Variants in DNAH11 observed in about 807,000 individuals in gnomAD.
The protein encoded by DNAH11 is dynein axonemal heavy chain 11.
A neutral mutation model predicts 526.0 loss-of-function variants in DNAH11; 442 were observed. The observed-to-expected ratio is 0.84, with a 90% CI of 0.78 to 0.91. The LOEUF (loss-of-function observed/expected upper bound fraction) is 0.91. Ranked by LOEUF, DNAH11 falls within the 40% of genes least tolerant of loss-of-function variation. DNAH11 has a pLI of 0.00. For missense variants in DNAH11, 6,989 were observed against 5,448.7 expected (o/e 1.28, Z -8.90); for synonymous variants, 2,461 against 1,935.9 (o/e 1.27, Z -7.12).
chr7:21,725,675 C>T (rs747079692), intron 44 of DNAH11, 136 bp from the exon 45 acceptor site: 11 of 786,688 alleles, frequency 1.4e-5, no homozygotes, highest in South Asian at 3.5e-5. Flanking sequence ...TTAATTATTT[C>T]ACAAAATTTG....
chr7:21,649,656 C>CTTT (rs576947483), intron 28 of DNAH11, among the ~76,000 whole-genome samples: 1 of 140,258 alleles, frequency 7.1e-6, no homozygotes, highest in Non-Finnish European at 1.6e-5. Flanking sequence ...GTATCCTACT[C>CTTT]TTTTTTTTTT....
Position 21,639,047 on chromosome 7 carries a change from A to C in DNAH11, c.4926A>C (p.Lys1642Asn), listed in dbSNP as rs770520414. Reference sequence around the variant, plus strand: ...CTGATTTACTTGACATTCTCTCAAAAGGAGCTCAGCCTAAACAGGTAATAT... The same window carrying C: ...CTGATTTACTTGACATTCTCTCAAACGGAGCTCAGCCTAAACAGGTAATAT... ...SSADLLDILS[K>N]GAQPKQVTCH... The change falls in exon 28 of 82, where the codon AAA (lysine) becomes AAC (asparagine). Residue 1642 changes from lysine to asparagine, a missense_variant. Coordinates refer to ENST00000409508, the MANE Select transcript of DNAH11 (RefSeq NM_001277115.2). 10 of 1,613,310 alleles carry C rather than the reference A, an allele frequency of 6.2e-6. No homozygotes were observed. In the Admixed American group the frequency reaches 1.0e-4, roughly 16 times the overall value.
intron 56 of DNAH11, among the ~76,000 whole-genome samples, chr7:21,776,665 A>T (rs1787683044): frequency 6.6e-6 from 1 of 152,232 alleles, no homozygotes; most frequent in South Asian, 2.1e-4. Flanking sequence ...CACTTTGAAT[A>T]TTTCAGAGCT....
At chr7:21,644,523 A>G (rs1459496505) in intron 28 of DNAH11, among the ~76,000 whole-genome samples, 4 of 152,210 alleles carry the variant, frequency 2.6e-5, no homozygotes, top group Non-Finnish European at 5.9e-5. Context: ...TCCTAAAGGA[A>G]GTAGAAAGCT....
chr7:21,765,301 C>G lies in DNAH11; in HGVS notation c.8941-127C>G, dbSNP rs1322794382. The G allele has an allele frequency of 2.2e-6, 3 of 1,383,192 alleles. No individual in the cohort carries two copies. The South Asian group carries it at 3.8e-5, about 18-fold the overall frequency. The allele number at this position is 1,383,192 out of a possible 1,614,324, so 85.7% of individuals were successfully genotyped here. A position where few individuals can be genotyped will look rare whatever the true frequency, so the allele number is the denominator to read the frequency against. On this transcript the variant is annotated intron_variant, in intron 54 of 81. Coordinates refer to ENST00000409508, the MANE Select transcript of DNAH11 (RefSeq NM_001277115.2). ...GGAGGTTAATGTTGCTGTCCACTCT[C>G]TAGGGCTTTAGGGTAGTTTAATGTC...
rs937883078 is a variant in DNAH11 at position 21,901,269 on chromosome 7, T to TCCTCTAG, written c.*21_*27dup. ...TAGAAGCGTAAGGTAACACTGGCAT[T>TCCTCTAG]CCTCTAGCCTCTGCTGGAGTGCAGT... is the stretch of plus-strand genomic sequence containing the variant. On this transcript the variant is annotated 3_prime_UTR_variant, in exon 82 of 82. Transcript: ENST00000409508. 6.3e-7 allele frequency: 1 copy of TCCTCTAG among 1,597,798 alleles called. No individual in the cohort carries two copies. Among genetic ancestry groups the TCCTCTAG allele is most frequent in the African/African-American group, 1.3e-5 (1 of 74,518 alleles).
intron 30 of DNAH11, among the ~76,000 whole-genome samples, chr7:21,673,931 C>G (rs1172550928): frequency 6.6e-6 from 1 of 150,874 alleles, no homozygotes; most frequent in Non-Finnish European, 1.5e-5. Flanking sequence ...TTCTAGTTTT[C>G]TACCTAGAAA....
At position 21,619,086 on chromosome 7, in the gene DNAH11, T is replaced by A; in HGVS notation, c.4255-14T>A. 1 of 1,613,298 alleles carries A rather than the reference T, an allele frequency of 6.2e-7. No individual in the cohort carries two copies. Among genetic ancestry groups the A allele is most frequent in the Non-Finnish European group, 8.5e-7 (1 of 1,179,466 alleles). ...ATGTGGAATATAAAGTCTAACTTTT[T>A]TTCCCCCAATCAGGTCAAGTTTTTA... On this transcript the variant is annotated splice_polypyrimidine_tract_variant and intron_variant, in intron 23 of 81. Coordinates refer to ENST00000409508, the MANE Select transcript of DNAH11 (RefSeq NM_001277115.2).
intron 12 of DNAH11, among the ~76,000 whole-genome samples, chr7:21,590,135 A>T (rs918055610): frequency 2.0e-5 from 3 of 152,178 alleles, no homozygotes; most frequent in Non-Finnish European, 4.4e-5. Context: ...ATGTTATGTA[A>T]CAATGGGATT....
chr7:21,758,685 A>C (rs2128495593), intron 54 of DNAH11, among the ~76,000 whole-genome samples: 1 of 152,384 alleles, frequency 6.6e-6, no homozygotes, highest in African/African-American at 2.4e-5. Context: ...GAGTGAGTAG[A>C]AGTCTTTCCA....
At chr7:21,571,332 G>A (rs1783880523) in intron 7 of DNAH11, among the ~76,000 whole-genome samples, 1 of 152,162 alleles carries the variant, frequency 6.6e-6, no homozygotes, top group Admixed American at 6.5e-5. Flanking sequence ...CCCGGCTGAA[G>A]TGCAGTGGTG....
chr7:21,721,645 A>T (rs1046446487), intron 44 of DNAH11, among the ~76,000 whole-genome samples: 4 of 152,168 alleles, frequency 2.6e-5, no homozygotes, highest in Non-Finnish European at 5.9e-5. Flanking sequence ...TAATGAGGAC[A>T]CTAATCCCAT....
In DNAH11 at chr7:21,619,358, AG is replaced by A; in HGVS notation, c.4377+138del. On this transcript the variant is annotated intron_variant, in intron 24 of 81. Transcript: ENST00000409508. ...CCCAGTTTGTTCCCTGCTGTTCATT[AG>A]GTGTGGGATGAGCAGGAACTAGAAT... 5.1e-6 allele frequency: 5 copies of A among 971,270 alleles called. No individual in the cohort carries two copies. In the East Asian group the frequency reaches 1.3e-4, roughly 26 times the overall value. 60.2% of individuals were successfully genotyped at this position (971,270 alleles called of 1,614,324 possible).
chr7:21,899,143 A>G (rs372357408), intron 79 of DNAH11, among the ~76,000 whole-genome samples, 193 bp from the exon 80 acceptor site: 1 of 152,220 alleles, frequency 6.6e-6, no homozygotes, highest in South Asian at 2.1e-4. Flanking sequence ...ACAGTCATCA[A>G]GTCTCCAATG....
intron 61 of DNAH11, among the ~76,000 whole-genome samples, chr7:21,794,371 C>G (rs1201490335): frequency 1.3e-5 from 2 of 152,130 alleles, no homozygotes; most frequent in Non-Finnish European, 2.9e-5. Context: ...TGCTGACTGG[C>G]TTGTTTTGGT....
In DNAH11 at chr7:21,738,683, A is replaced by G. The variant is rs748542907; in HGVS notation, c.7646-18A>G. ...TACATTCTGTTGATGGGTGGACAGA[A>G]ATATATGTTTATTTCAGAAATTCTT... On this transcript the variant is annotated intron_variant, in intron 46 of 81. Coordinates refer to ENST00000409508, the MANE Select transcript of DNAH11 (RefSeq NM_001277115.2). 2 of 1,551,556 alleles carry G rather than the reference A, an allele frequency of 1.3e-6. No individual in the cohort carries two copies. Among genetic ancestry groups the G allele is most frequent in the Non-Finnish European group, 1.7e-6 (2 of 1,149,128 alleles).
In DNAH11 at chr7:21,900,108, C is replaced by G. The variant is rs1784707935; in HGVS notation, c.13291C>G (p.Leu4431Val). ...AAGGGAAGGTGCATACCTCCACGGA[C>G]TCTTCATGGAGGGTAAGACACCCCA... The part of the protein sequence containing the change: ...PPREGAYLHG[L>V]FMEGARWDTQ... The change falls in exon 81 of 82, where the codon CTC becomes GTC. Residue 4431 changes from leucine (L) to valine (V), a missense_variant. Coordinates refer to ENST00000409508, the MANE Select transcript of DNAH11 (RefSeq NM_001277115.2). 1 of 1,613,252 alleles carries G rather than the reference C, an allele frequency of 6.2e-7. No individual in the cohort carries two copies. The highest frequency in any genetic ancestry group is 1.1e-5 in the South Asian group (1 of 90,950).
intron 63 of DNAH11, among the ~76,000 whole-genome samples, chr7:21,811,098 C>T (rs559809866): frequency 3.3e-5 from 5 of 152,136 alleles, no homozygotes; most frequent in Non-Finnish European, 7.4e-5. Context: ...GTTATTCAGC[C>T]TCAAAAATGA....
Position 21,711,757 on chromosome 7 carries a change from A to G in DNAH11, c.6880A>G (p.Met2294Val), listed in dbSNP as rs775087502. ...SNERIALTPF[M>V]RLLFEIHHLR... ...TGAGCGCATTGCACTCACTCCCTTC[A>G]TGAGGCTTCTGTTTGAGATACATCA... The change falls in exon 42 of 82, where the codon ATG (methionine) becomes GTG (valine). Residue 2294 changes from methionine to valine, a missense_variant. By Grantham distance (21) the Met-to-Val change is conservative. Coordinates refer to ENST00000409508, the MANE Select transcript of DNAH11 (RefSeq NM_001277115.2). 2 of 1,613,776 alleles carry G rather than the reference A, an allele frequency of 1.2e-6. No homozygotes were observed. Among genetic ancestry groups the G allele is most frequent in the Non-Finnish European group, 1.7e-6 (2 of 1,179,784 alleles).
Sources: gnomAD v4.1 joint callset for allele counts (sites outside exome capture counted in the v4.1 genomes callset) on GRCh38, gnomAD v4.1.1 for gene constraint, MANE v1.5 for transcripts, NCBI Gene and HGNC (gene_info 2026-07-23, HGNC 2026-07-21) for gene names.